The following ZNF423 variants were observed in gnomAD, a reference collection of about 807,000 sequenced individuals.
ZNF423 encodes Ebf-associated zinc finger protein.
Under a neutral mutation model 95.8 loss-of-function variants are expected in ZNF423, and 12 were observed. The ratio of observed to expected loss-of-function variants is 0.13; its 90% CI spans 0.08 to 0.20. The LOEUF (loss-of-function observed/expected upper bound fraction) is 0.20, where lower values mean the gene tolerates loss of function less well. Among genes scored for constraint, ZNF423 ranks in the 10% least tolerant of loss-of-function variants. The pLI is 1.00. For synonymous variants in ZNF423, 749 were observed against 711.9 expected (o/e 1.05, Z -0.83); for missense variants, 1,316 against 1,737.1 (o/e 0.76, Z 4.31).
intron 1 of ZNF423, among the ~76,000 whole-genome samples, chr16:49,849,054 C>T (rs777171426): frequency 1.1e-4 from 16 of 152,196 alleles, no homozygotes; most frequent in Non-Finnish European, 1.9e-4. Context: ...TCAAGGTTTT[C>T]TCCTCCTGTT....
chr16:49,732,680 A>G (rs1183745070), intron 2 of ZNF423, among the ~76,000 whole-genome samples: 3 of 152,248 alleles, frequency 2.0e-5, no homozygotes, highest in Non-Finnish European at 4.4e-5. Context: ...CACGAAGCAA[A>G]GAATGCACTC....
At chr16:49,629,369 C>T (rs1366584728) in intron 4 of ZNF423, among the ~76,000 whole-genome samples, 1 of 152,042 alleles carries the variant, frequency 6.6e-6, no homozygotes, top group African/African-American at 2.4e-5. Flanking sequence ...TAAATCCTAC[C>T]ATCTTTTGAA....
At chr16:49,541,256 CT>C (rs1427609574) in intron 5 of ZNF423, among the ~76,000 whole-genome samples, 1 of 152,232 alleles carries the variant, frequency 6.6e-6, no homozygotes, top group East Asian at 1.9e-4. Flanking sequence ...TGGCAGGGGG[CT>C]TTCTAGAGAC....
chr16:49,493,219 C>G (rs1021876509), intron 7 of ZNF423, among the ~76,000 whole-genome samples: 1 of 152,158 alleles, frequency 6.6e-6, no homozygotes, highest in Non-Finnish European at 1.5e-5. Context: ...CAAGCCTCTG[C>G]TGACTCAGTT....
chr16:49,596,054 A>G (rs1322670196), intron 5 of ZNF423, among the ~76,000 whole-genome samples: 1 of 152,246 alleles, frequency 6.6e-6, no homozygotes, highest in African/African-American at 2.4e-5. Flanking sequence ...TTCATATCAC[A>G]GTGAGCCACT....
intron 1 of ZNF423, among the ~76,000 whole-genome samples, chr16:49,843,839 C>G (rs1327266181): frequency 1.3e-5 from 2 of 152,022 alleles, no homozygotes; most frequent in Admixed American, 6.6e-5. Context: ...CAGACCACCC[C>G]CCCTCCAAAG....
At chr16:49,854,976 CGCGGAGGGGCGCGCACCGCGGCCGCTGA>C in intron 1 of ZNF423, 1 of 984,934 alleles carries the variant, frequency 1.0e-6, no homozygotes, top group Non-Finnish European at 1.2e-6. Flanking sequence ...GGGCGCCCTC[CGCGGAGGGGCGCGCACCGCGGCCGCTGA>C]GCTCCCCTGA....
intron 1 of ZNF423, among the ~76,000 whole-genome samples, chr16:49,846,640 C>T (rs1291625356): frequency 6.6e-6 from 1 of 152,178 alleles, no homozygotes; most frequent in African/African-American, 2.4e-5. Context: ...TCTCTGTGGC[C>T]TCCACCCCAG....
intron 3 of ZNF423, chr16:49,640,869 G>C (rs1972952719): frequency 6.6e-6 from 1 of 152,392 alleles, no homozygotes; most frequent in Admixed American, 6.5e-5. Flanking sequence ...GTCGTGGCCA[G>C]CTCCCCAGAT....
intron 7 of ZNF423, among the ~76,000 whole-genome samples, chr16:49,508,610 C>G (rs1341453388): frequency 1.3e-5 from 2 of 151,758 alleles, no homozygotes; most frequent in African/African-American, 4.8e-5. Flanking sequence ...TTTTCACCCT[C>G]TGCTCTATAA....
At chr16:49,499,388 C>T (rs887162290) in intron 7 of ZNF423, among the ~76,000 whole-genome samples, 8 of 152,244 alleles carry the variant, frequency 5.3e-5, no homozygotes, top group South Asian at 2.1e-4. Flanking sequence ...TCAATTCATC[C>T]GGAACTCCCG....
chr16:49,767,620 C>T (rs1443981536), intron 2 of ZNF423, among the ~76,000 whole-genome samples: 3 of 152,142 alleles, frequency 2.0e-5, no homozygotes, highest in African/African-American at 2.4e-5. Context: ...GAGGGGCATG[C>T]GCAGTCAGAA....
At chr16:49,682,274 A>G (rs866907164) in intron 3 of ZNF423, among the ~76,000 whole-genome samples, 39 of 150,264 alleles carry the variant, frequency 2.6e-4, no homozygotes, top group Middle Eastern at 6.9e-3. Flanking sequence ...CCATTCTCCA[A>G]CCGTCTCCCT....
intron 7 of ZNF423, chr16:49,517,831 C>T (rs1968215483): frequency 2.5e-6 from 1 of 403,586 alleles, no homozygotes; most frequent in Non-Finnish European, 4.8e-6. Flanking sequence ...AGATATGCTG[C>T]TTACTGTTCC....
chr16:49,551,635 C>T (rs79800460), intron 5 of ZNF423, among the ~76,000 whole-genome samples: 1,873 of 152,260 alleles, frequency 0.012, 41 homozygotes, highest in African/African-American at 0.041. Flanking sequence ...GCAAAACACG[C>T]AGGGTGCATG....
chr16:49,495,785 C>T lies in ZNF423; in HGVS notation c.3850-4481G>A, dbSNP rs183018851. 1.9e-3 allele frequency among the ~76,000 whole-genome samples: 293 copies of T among 152,316 alleles called. 1 individual carries two copies. The highest frequency in any genetic ancestry group is 3.5e-3 in the Non-Finnish European group (241 of 68,034). ...GAGGGGGCCCTGGCTCAGCCCACCT[C>T]CATGCCCAACACAGTCACAAACAGG... On this transcript the variant is annotated intron_variant, in intron 7 of 7. Transcript: ENST00000563137.
At chr16:49,501,350 G>A (rs541599277) in intron 7 of ZNF423, among the ~76,000 whole-genome samples, 9 of 152,124 alleles carry the variant, frequency 5.9e-5, no homozygotes, top group African/African-American at 9.7e-5. Context: ...TGTTGCTTCC[G>A]GTTTTGCAAG....
chr16:49,823,001 G>T (rs748848485), intron 1 of ZNF423, among the ~76,000 whole-genome samples: 1 of 152,154 alleles, frequency 6.6e-6, no homozygotes, highest in African/African-American at 2.4e-5. Flanking sequence ...CAGGATAGGA[G>T]GCCCTAAGGC....
At chr16:49,561,286 G>A (rs1220067451) in intron 5 of ZNF423, among the ~76,000 whole-genome samples, 1 of 152,050 alleles carries the variant, frequency 6.6e-6, no homozygotes, top group Non-Finnish European at 1.5e-5. Flanking sequence ...TCAAAATTCT[G>A]TTTTTTATCG....
Sources: gnomAD v4.1 joint callset for allele counts (sites outside exome capture counted in the v4.1 genomes callset) on GRCh38, gnomAD v4.1.1 for gene constraint, MANE v1.5 for transcripts, NCBI Gene and HGNC (gene_info 2026-07-23, HGNC 2026-07-21) for gene names.